ADARB1: variants seen among roughly 807,000 people sequenced by gnomAD.
ADARB1 encodes adenosine deaminase RNA specific B1.
A neutral mutation model predicts 52.4 loss-of-function variants in ADARB1; 10 were observed. That is an observed-to-expected ratio of 0.19 (90% CI 0.12 to 0.32). ADARB1 has a LOEUF of 0.32. Ranked by LOEUF, ADARB1 falls within the 10% of genes least tolerant of loss-of-function variation. The pLI, the probability that ADARB1 is intolerant of heterozygous loss-of-function variation, is 1.00. For missense variants in ADARB1, 643 were observed against 922.3 expected (o/e 0.70, Z 3.92); for synonymous variants, 349 against 371.1 (o/e 0.94, Z 0.68).
intron 2 of ADARB1, among the ~76,000 whole-genome samples, chr21:45,168,913 ACT>A (rs2091366642): frequency 6.6e-6 from 1 of 151,938 alleles, no homozygotes; most frequent in Non-Finnish European, 1.5e-5. Flanking sequence ...ATATTATGAG[ACT>A]CTAAATCTTA....
intron 2 of ADARB1, among the ~76,000 whole-genome samples, chr21:45,146,555 G>A (rs115453103): frequency 3.4e-3 from 514 of 152,254 alleles, no homozygotes; most frequent in African/African-American, 0.012. Flanking sequence ...CTCTTTCCAC[G>A]GATGTGGTGG....
At chr21:45,090,031 C>G (rs1037239865) in intron 1 of ADARB1, among the ~76,000 whole-genome samples, 16 of 152,156 alleles carry the variant, frequency 1.1e-4, no homozygotes, top group Non-Finnish European at 1.9e-4. Context: ...GTATTTCATC[C>G]TTAAGTGTGA....
chr21:45,158,773 T>C (rs1279953950), intron 2 of ADARB1, among the ~76,000 whole-genome samples: 2 of 152,202 alleles, frequency 1.3e-5, no homozygotes, highest in African/African-American at 4.8e-5. Context: ...CCTGACAGTA[T>C]GCTAGAATGT....
Position 45,083,392 on chromosome 21 carries a change from A to T in ADARB1, c.-220+8599A>T, listed in dbSNP as rs553198156. 9.2e-5 allele frequency among the ~76,000 whole-genome samples: 14 copies of T among 152,260 alleles called. No homozygotes were observed. In the South Asian group the frequency reaches 2.7e-3, roughly 29 times the overall value. ...TATCTCCAGATTTCCACACTTTTCT[A>T]TGTAGAATAGAAACATTTATAAAAC... On this transcript the variant is annotated intron_variant, in intron 1 of 10. Transcript: ENST00000348831.
Position 45,225,589 on chromosome 21 carries a change from G to C in ADARB1, c.*3392G>C, listed in dbSNP as rs2093047988. 1.5e-6 allele frequency: 2 copies of C among 1,325,692 alleles called. No individual in the cohort carries two copies. Among genetic ancestry groups the C allele is most frequent in the South Asian group, 5.7e-5 (2 of 35,192 alleles). The allele number at this position is 1,325,692 out of a possible 1,614,324, so 82.1% of individuals were successfully genotyped here. A position where few individuals can be genotyped will look rare whatever the true frequency, so the allele number is the denominator to read the frequency against. On this transcript the variant is annotated 3_prime_UTR_variant, in exon 11 of 11. Transcript: ENST00000348831. ...CGGCTCCGTCTTCACATTGTGCACA[G>C]ATCTGAGGATGGGATTAGCGAAGCT...
At chr21:45,146,059 C>T (rs554317141) in intron 2 of ADARB1, 1 of 148,204 alleles carries the variant, frequency 6.7e-6, no homozygotes, top group Admixed American at 6.7e-5. Flanking sequence ...TCACCTGATC[C>T]GTTCTGCCGG....
chr21:45,210,025 C>T (rs1276716910), intron 9 of ADARB1, among the ~76,000 whole-genome samples: 2 of 152,216 alleles, frequency 1.3e-5, no homozygotes, highest in South Asian at 2.1e-4. Flanking sequence ...GCAGGCTCCC[C>T]GGGAGCTCAT....
At chr21:45,083,735 C>T (rs766485336) in intron 1 of ADARB1, among the ~76,000 whole-genome samples, 9 of 152,180 alleles carry the variant, frequency 5.9e-5, no homozygotes. Flanking sequence ...TGCTTTGTTG[C>T]TCAGGCTAGA....
intron 1 of ADARB1, among the ~76,000 whole-genome samples, chr21:45,085,307 G>A (rs1353390756): frequency 1.3e-5 from 2 of 152,170 alleles, no homozygotes; most frequent in Non-Finnish European, 2.9e-5. Context: ...AAAAGATGCT[G>A]GGGAGCTACA....
At position 45,136,127 on chromosome 21, in the gene ADARB1, C is replaced by A. The variant is rs118079830; in HGVS notation, c.-48+7554C>A. ...TAAAACCAGGGGAAGGAGTGGAGGACCACGAACTCCCTCCCCTTCTTGGTG... is the reference window on the plus strand; with the variant it reads ...TAAAACCAGGGGAAGGAGTGGAGGAACACGAACTCCCTCCCCTTCTTGGTG... On this transcript the variant is annotated intron_variant, in intron 2 of 10. Transcript: ENST00000348831. 3.2e-3 allele frequency among the ~76,000 whole-genome samples: 481 copies of A among 152,042 alleles called. 4 individuals are homozygous for A. The highest frequency in any genetic ancestry group is 0.014 in the Middle Eastern group (4 of 294).
At chr21:45,127,616 A>T (rs1331285000) in intron 1 of ADARB1, among the ~76,000 whole-genome samples, 1 of 152,158 alleles carries the variant, frequency 6.6e-6, no homozygotes, top group African/African-American at 2.4e-5. Flanking sequence ...TGGCCTGGCC[A>T]AGTCTGCATA....
chr21:45,183,847 C>G (rs995782786), intron 7 of ADARB1, among the ~76,000 whole-genome samples: 2 of 152,162 alleles, frequency 1.3e-5, no homozygotes, highest in African/African-American at 4.8e-5. Context: ...TTCTAATTTG[C>G]TAAATGTGTA....
chr21:45,151,782 T>TACATGTGTGTGATGTGTGTCCCTGC (rs2090304737), intron 2 of ADARB1, among the ~76,000 whole-genome samples: 1 of 152,246 alleles, frequency 6.6e-6, no homozygotes, highest in Non-Finnish European at 1.5e-5. Flanking sequence ...TGTGTGCATG[T>TACATGTGTGTGATGTGTGTCCCTGC]ACATGTGTGT....
chr21:45,219,728 A>T lies in ADARB1; in HGVS notation c.1748-1108A>T, dbSNP rs190779640. 2.4e-3 allele frequency among the ~76,000 whole-genome samples: 361 copies of T among 152,258 alleles called. 3 individuals are homozygous for T. Among genetic ancestry groups the T allele is most frequent in the African/African-American group, 7.8e-3 (326 of 41,562 alleles). The stretch of plus-strand genomic sequence containing the variant: ...TGATTTCCTCTCGAAACCCTCACAC[A>T]CTTGCCCTTGTTTGATGAGAGGAAT... On this transcript the variant is annotated intron_variant, in intron 9 of 10. Transcript: ENST00000348831.
intron 9 of ADARB1, among the ~76,000 whole-genome samples, chr21:45,205,185 C>A (rs1187476701): frequency 6.6e-6 from 1 of 152,018 alleles, no homozygotes; most frequent in Non-Finnish European, 1.5e-5. Flanking sequence ...CACCTGAGCC[C>A]AGGAGGTCAA....
At chr21:45,111,953 T>C (rs1382579596) in intron 1 of ADARB1, among the ~76,000 whole-genome samples, 1 of 152,238 alleles carries the variant, frequency 6.6e-6, no homozygotes, top group East Asian at 1.9e-4. Context: ...GGCACTCAAC[T>C]GCCTGCTTTC....
chr21:45,207,079 C>T (rs1207238985), intron 9 of ADARB1, among the ~76,000 whole-genome samples: 2 of 152,180 alleles, frequency 1.3e-5, no homozygotes, highest in Non-Finnish European at 2.9e-5. Context: ...ATGGACCAGG[C>T]ACCCCTTGCA....
At chr21:45,205,834 G>A (rs568975607) in intron 9 of ADARB1, among the ~76,000 whole-genome samples, 4 of 152,104 alleles carry the variant, frequency 2.6e-5, no homozygotes, top group South Asian at 4.2e-4. Context: ...CCTGAAACAC[G>A]TTTATTTTGG....
Position 45,224,601 on chromosome 21 carries a change from C to A in ADARB1, c.*2404C>A, listed in dbSNP as rs1351750100. ...TGGGCAGGGGGCTACTGGGGGGCGG[C>A]TGTGAGGAGGAGTTGGGTTCAGGGA... On this transcript the variant is annotated 3_prime_UTR_variant, in exon 11 of 11. Coordinates refer to ENST00000348831, the MANE Select transcript of ADARB1 (RefSeq NM_001112.4). 6.6e-6 allele frequency: 4 copies of A among 609,472 alleles called. No individual in the cohort carries two copies. The African/African-American group carries it at 2.8e-4, about 43-fold the overall frequency. 37.8% of individuals were successfully genotyped at this position (609,472 alleles called of 1,614,324 possible). A position where few individuals can be genotyped will look rare whatever the true frequency, so the allele number is the denominator to read the frequency against.
Sources: gnomAD v4.1 joint callset for allele counts (sites outside exome capture counted in the v4.1 genomes callset) on GRCh38, gnomAD v4.1.1 for gene constraint, MANE v1.5 for transcripts, NCBI Gene and HGNC (gene_info 2026-07-23, HGNC 2026-07-21) for gene names.